Variants in REEP1 observed in about 807,000 individuals in gnomAD.
The protein encoded by REEP1 is receptor accessory protein 1.
In REEP1, 22 loss-of-function variants were observed where a neutral mutation model predicts 40.3. The ratio of observed to expected loss-of-function variants is 0.55; its 90% confidence interval spans 0.39 to 0.78. The LOEUF (loss-of-function observed/expected upper bound fraction) is 0.78. Among genes scored for constraint, REEP1 ranks in the 30% least tolerant of loss-of-function variants. The probability of loss-of-function intolerance (pLI) is 0.00; values close to 1 mark genes in which losing one functional copy is unlikely to be tolerated. For synonymous variants in REEP1, 116 were observed against 139.2 expected (o/e 0.83, Z 1.17); for missense variants, 280 against 361.1 (o/e 0.78, Z 1.82).
chr2:86,281,495 GCA>G (rs774277328), intron 2 of REEP1, among the ~76,000 whole-genome samples: 2 of 152,166 alleles, frequency 1.3e-5, no homozygotes, highest in Non-Finnish European at 2.9e-5. Context: ...GGGCGTGGTG[GCA>G]CACACCTGTA....
chr2:86,217,669 T>TTTTTTATTTTTA (rs1553456160), intron 8 of REEP1, among the ~76,000 whole-genome samples: 1 of 53,724 alleles, frequency 1.9e-5, no homozygotes, highest in African/African-American at 3.3e-5. Context: ...ATTTCAGATT[T>TTTTTTATTTTTA]TTTTTTTTTT....
Position 86,216,737 on chromosome 2 carries a change from T to C in REEP1, c.*302A>G, listed in dbSNP as rs1462819759. 1 of 344,596 alleles carries C rather than the reference T, an allele frequency of 2.9e-6. No individual in the cohort carries two copies. Among genetic ancestry groups the C allele is most frequent in the African/African-American group, 2.1e-5 (1 of 48,380 alleles). 21.3% of individuals were successfully genotyped at this position (344,596 alleles called of 1,614,324 possible). On this transcript the variant is annotated 3_prime_UTR_variant, in exon 9 of 9. Transcript: ENST00000538924. ...CAGCATAGGGGTGATTCTCTTATCT[T>C]TCTAAAAAACACACTGCTGTCTATA...
chr2:86,239,981 G>C (rs1362278281), intron 5 of REEP1: 1 of 152,432 alleles, frequency 6.6e-6, no homozygotes, highest in Non-Finnish European at 1.5e-5. Flanking sequence ...CTGCCCAACT[G>C]GATCAGTTTG....
At position 86,235,945 on chromosome 2, in the gene REEP1, G is replaced by A. The variant is rs371017969; in HGVS notation, c.418-3143C>T. Reference sequence around the variant, plus strand: ...AAAATCAGTATGCCTGACCGGGCGCGGTGGTTCACGCCTGTAATCCCAGCA... The same window carrying A: ...AAAATCAGTATGCCTGACCGGGCGCAGTGGTTCACGCCTGTAATCCCAGCA... On this transcript the variant is annotated intron_variant, in intron 5 of 8. Transcript: ENST00000538924. 5.3e-5 allele frequency among the ~76,000 whole-genome samples: 8 copies of A among 152,256 alleles called. No individual in the cohort carries two copies. The South Asian group carries it at 1.7e-3, about 32-fold the overall frequency.
At chr2:86,254,888 T>C in intron 3 of REEP1, 74 bp from the exon 4 acceptor site, 1 of 1,564,846 alleles carries the variant, frequency 6.4e-7, no homozygotes. Context: ...TGAGACCCGG[T>C]GGGTGGCAAG....
At chr2:86,282,382 C>G in intron 1 of REEP1, 140 bp from the exon 2 acceptor site, 1 of 697,656 alleles carries the variant, frequency 1.4e-6, no homozygotes, top group Non-Finnish European at 2.6e-6. Flanking sequence ...TATGAATGCC[C>G]TGAAGGTGTT....
rs144739472 is a variant in REEP1 at position 86,310,707 on chromosome 2, T to TTCTCTC, written c.32+26766_32+26771dup. ...CATCATTACTTCTCTCTCCTCCCCT[T>TTCTCTC]TCTCTCTCTCTCTCTCTCTCTGTGT... On this transcript the variant is annotated intron_variant, in intron 1 of 8. Transcript: ENST00000538924. 1.8e-3 allele frequency among the ~76,000 whole-genome samples: 268 copies of TTCTCTC among 149,814 alleles called. 2 individuals are homozygous for TTCTCTC. The highest frequency in any genetic ancestry group is 2.2e-3 in the African/African-American group (89 of 40,966).
chr2:86,304,361 C>T (rs1217533758), intron 1 of REEP1, among the ~76,000 whole-genome samples: 1 of 152,154 alleles, frequency 6.6e-6, no homozygotes, highest in Non-Finnish European at 1.5e-5. Flanking sequence ...ACTACGGATG[C>T]CACCACAATT....
chr2:86,303,426 C>G (rs184917060), intron 1 of REEP1, among the ~76,000 whole-genome samples: 1 of 152,050 alleles, frequency 6.6e-6, no homozygotes, highest in East Asian at 1.9e-4. Context: ...ACCATGTTGG[C>G]CAAGCTGGTC....
At chr2:86,284,239 C>G (rs908343342) in intron 1 of REEP1, among the ~76,000 whole-genome samples, 10 of 152,154 alleles carry the variant, frequency 6.6e-5, no homozygotes, top group Middle Eastern at 3.4e-3. Context: ...CTGGTCACCC[C>G]CCCTGACGAT....
At chr2:86,228,350 C>T (rs988336208) in intron 6 of REEP1, among the ~76,000 whole-genome samples, 2 of 152,038 alleles carry the variant, frequency 1.3e-5, no homozygotes, top group Admixed American at 1.3e-4. Context: ...CTCCCTTCCT[C>T]GTTTGTGTGC....
Position 86,227,320 on chromosome 2 carries a change from G to A in REEP1, c.631+43C>T, listed in dbSNP as rs12472548. The A allele has an allele frequency of 1.5e-5, 18 of 1,231,530 alleles. No homozygotes were observed. The Admixed American group carries it at 6.7e-4, about 46-fold the overall frequency. 76.3% of individuals were successfully genotyped at this position (1,231,530 alleles called of 1,614,324 possible). A position where few individuals can be genotyped will look rare whatever the true frequency, so the allele number is the denominator to read the frequency against. ...ACTCCTGGTTAGAAGCTCTTTCCGAGTGAGAGTCCAGCACGCTGCGGAGAG... is the reference window on the plus strand; with the variant it reads ...ACTCCTGGTTAGAAGCTCTTTCCGAATGAGAGTCCAGCACGCTGCGGAGAG... On this transcript the variant is annotated intron_variant, in intron 7 of 8. Coordinates refer to ENST00000538924, the MANE Select transcript of REEP1 (RefSeq NM_001371279.1).
chr2:86,253,333 T>C (rs1287397338), intron 4 of REEP1, among the ~76,000 whole-genome samples: 2 of 151,872 alleles, frequency 1.3e-5, no homozygotes, highest in Non-Finnish European at 2.9e-5. Context: ...ATTTCAGAGT[T>C]CGGTAAGACA....
At chr2:86,261,522 C>T (rs1388516230) in intron 3 of REEP1, among the ~76,000 whole-genome samples, 3 of 152,182 alleles carry the variant, frequency 2.0e-5, no homozygotes, top group Non-Finnish European at 2.9e-5. Context: ...TAAACAGATG[C>T]TTGAAGGCAG....
At chr2:86,222,874 G>A (rs1674500436) in intron 7 of REEP1, among the ~76,000 whole-genome samples, 1 of 152,218 alleles carries the variant, frequency 6.6e-6, no homozygotes, top group South Asian at 2.1e-4. Context: ...GAGTAGCTGG[G>A]TAGAAAATCC....
chr2:86,236,901 A>AT (rs1026491473), intron 5 of REEP1, among the ~76,000 whole-genome samples: 12 of 152,018 alleles, frequency 7.9e-5, no homozygotes, highest in Non-Finnish European at 1.0e-4. Context: ...CGCCTGGCTA[A>AT]TTTTTTGTAT....
At chr2:86,289,645 G>A (rs1678589567) in intron 1 of REEP1, among the ~76,000 whole-genome samples, 1 of 151,958 alleles carries the variant, frequency 6.6e-6, no homozygotes, top group South Asian at 2.1e-4. Context: ...CCATCTTTAT[G>A]GTTTCAAGTT....
At chr2:86,282,148 G>A (rs777323195) in intron 2 of REEP1, 22 bp downstream of exon 2, 3 of 1,569,802 alleles carry the variant, frequency 1.9e-6, no homozygotes, top group Middle Eastern at 1.7e-4. Context: ...CAACCCGCTC[G>A]AAAATACACA....
chr2:86,328,417 C>T (rs1472381927), intron 1 of REEP1, among the ~76,000 whole-genome samples: 1 of 152,242 alleles, frequency 6.6e-6, no homozygotes, highest in Non-Finnish European at 1.5e-5. Context: ...CCCAGTGGCT[C>T]ATGCCTGTAA....
Sources: allele counts gnomAD v4.1 joint callset (sites outside exome capture counted in the v4.1 genomes callset), GRCh38; gene constraint gnomAD v4.1.1; transcripts MANE v1.5; gene names NCBI Gene and HGNC (gene_info 2026-07-23, HGNC 2026-07-21).